The following KCNMA1 variants were observed in gnomAD, a reference collection of about 807,000 sequenced individuals.
KCNMA1 encodes the protein Calcium-activated potassium channel subunit alpha-1.
A neutral mutation model predicts 140.0 loss-of-function variants in KCNMA1; 29 were observed. That is an observed-to-expected ratio of 0.21 (90% CI 0.15 to 0.28). KCNMA1 has a LOEUF of 0.28. Among genes scored for constraint, KCNMA1 ranks in the 10% least tolerant of loss-of-function variants. KCNMA1 has a pLI of 1.00. For missense variants in KCNMA1, 880 were observed against 1,602.2 expected (o/e 0.55, Z 7.70); for synonymous variants, 612 against 611.9 (o/e 1.00, Z 0.00).
intron 1 of KCNMA1, among the ~76,000 whole-genome samples, chr10:77,606,749 TC>T (rs1342664755): frequency 6.6e-6 from 1 of 152,104 alleles, no homozygotes; most frequent in African/African-American, 2.4e-5. Context: ...CTGGGTGGTC[TC>T]CTCTGGGAAC....
At chr10:77,099,052 G>T (rs879583735) in intron 9 of KCNMA1, among the ~76,000 whole-genome samples, 4 of 151,950 alleles carry the variant, frequency 2.6e-5, no homozygotes, top group African/African-American at 4.8e-5. Context: ...AAGCAGATTT[G>T]CCCGATTTCA....
chr10:77,194,233 C>A (rs1253608188), intron 3 of KCNMA1, among the ~76,000 whole-genome samples: 1 of 152,202 alleles, frequency 6.6e-6, no homozygotes, highest in Non-Finnish European at 1.5e-5. Context: ...TTGCCAAAGG[C>A]TGGCCAATCA....
At chr10:77,024,383 TACAC>T (rs1335262124) in intron 16 of KCNMA1, among the ~76,000 whole-genome samples, 1 of 151,262 alleles carries the variant, frequency 6.6e-6, no homozygotes, top group Non-Finnish European at 1.5e-5. Flanking sequence ...TACAGACAAA[TACAC>T]ACGCACAGAC....
At chr10:77,586,794 G>A (rs2077385129) in intron 1 of KCNMA1, among the ~76,000 whole-genome samples, 1 of 152,170 alleles carries the variant, frequency 6.6e-6, no homozygotes, top group Admixed American at 6.5e-5. Flanking sequence ...TTAGATGGCT[G>A]GAAATCTCTA....
chr10:77,418,098 A>C (rs994784739), intron 1 of KCNMA1, among the ~76,000 whole-genome samples: 7 of 152,224 alleles, frequency 4.6e-5, no homozygotes, highest in African/African-American at 7.2e-5. Flanking sequence ...ACAGCAGCCA[A>C]ACACAAGAGA....
At chr10:77,086,694 G>A (rs1595669505) in intron 10 of KCNMA1, 101 bp from the exon 11 acceptor site, 3 of 819,264 alleles carry the variant, frequency 3.7e-6, no homozygotes, top group East Asian at 5.2e-5. Flanking sequence ...GCCCTGGGGA[G>A]AGGCTGTGAC....
rs372391929 is a variant in KCNMA1 at position 77,356,788 on chromosome 10, C to T, written c.540+47074G>A. ...GTTTTAAGAATGCGCCCACCTCCACCTTCCATCTCCAGGAGTGATATCCAC... is the reference window on the plus strand; with the variant it reads ...GTTTTAAGAATGCGCCCACCTCCACTTTCCATCTCCAGGAGTGATATCCAC... On this transcript the variant is annotated intron_variant, in intron 2 of 27. Transcript: ENST00000286628. 2.2e-4 allele frequency among the ~76,000 whole-genome samples: 33 copies of T among 152,338 alleles called. No homozygotes were observed. In the East Asian group the frequency reaches 5.6e-3, roughly 26 times the overall value.
chr10:77,231,978 C>T (rs2053762025), intron 3 of KCNMA1, among the ~76,000 whole-genome samples: 1 of 152,210 alleles, frequency 6.6e-6, no homozygotes, highest in African/African-American at 2.4e-5. Flanking sequence ...GTAATCTATT[C>T]TCTGACTCTA....
chr10:77,219,886 T>G (rs561039800), intron 3 of KCNMA1, among the ~76,000 whole-genome samples: 137 of 152,244 alleles, frequency 9.0e-4, no homozygotes, highest in Non-Finnish European at 1.5e-3. Context: ...GAACACTGGC[T>G]GAGCAGTCAT....
chr10:77,028,723 T>G (rs147330188), intron 15 of KCNMA1, among the ~76,000 whole-genome samples: 14 of 152,298 alleles, frequency 9.2e-5, no homozygotes, highest in African/African-American at 3.4e-4. Context: ...TGTCTGAACT[T>G]TGTCTCCTTA....
intron 16 of KCNMA1, chr10:77,025,527 A>G (rs2093368406): frequency 8.0e-7 from 1 of 1,254,258 alleles, no homozygotes; most frequent in African/African-American, 1.5e-5. Flanking sequence ...CCAGAAGGAA[A>G]GAAGGAATAA....
intron 2 of KCNMA1, among the ~76,000 whole-genome samples, chr10:77,355,608 T>C (rs1421750230): frequency 1.3e-5 from 2 of 152,172 alleles, no homozygotes; most frequent in Admixed American, 6.5e-5. Context: ...CCAAAGGATA[T>C]GAAAGATAGC....
At chr10:77,319,114 A>C (rs1227672885) in intron 2 of KCNMA1, among the ~76,000 whole-genome samples, 1 of 152,218 alleles carries the variant, frequency 6.6e-6, no homozygotes, top group Non-Finnish European at 1.5e-5. Flanking sequence ...GCTAGGAGGA[A>C]AAATAACAGG....
chr10:77,519,895 GTGCAGTGTGAGGGTA>G (rs1298308570), intron 1 of KCNMA1, among the ~76,000 whole-genome samples: 2 of 151,188 alleles, frequency 1.3e-5, no homozygotes, highest in African/African-American at 4.9e-5. Flanking sequence ...GCAGTATGCA[GTGCAGTGTGAGGGTA>G]TGCAGTGTGA....
At chr10:77,329,040 C>A (rs1181043586) in intron 2 of KCNMA1, among the ~76,000 whole-genome samples, 1 of 151,980 alleles carries the variant, frequency 6.6e-6, no homozygotes, top group African/African-American at 2.4e-5. Flanking sequence ...CAGGGTTTCA[C>A]CATGTTAACC....
chr10:77,313,882 G>A (rs2080035256), intron 2 of KCNMA1: 1 of 152,178 alleles, frequency 6.6e-6, no homozygotes, highest in Non-Finnish European at 1.5e-5. Context: ...GGACTCACAG[G>A]ATTTGGGGGT....
At chr10:77,563,071 A>AC (rs2066918386) in intron 1 of KCNMA1, among the ~76,000 whole-genome samples, 1 of 151,854 alleles carries the variant, frequency 6.6e-6, no homozygotes. Flanking sequence ...GCAAAAAAAA[A>AC]AAAGTTCAAC....
At chr10:77,061,190 T>C (rs900615837) in intron 14 of KCNMA1, among the ~76,000 whole-genome samples, 11 of 152,134 alleles carry the variant, frequency 7.2e-5, no homozygotes, top group African/African-American at 2.7e-4. Context: ...TATTTCAACT[T>C]AAAAACTTCT....
chr10:77,073,293 ATGTTCAAT>A (rs753616496), intron 13 of KCNMA1, 41 bp from the exon 14 acceptor site: 2 of 1,603,368 alleles, frequency 1.2e-6, no homozygotes, highest in Non-Finnish European at 1.7e-6. Context: ...GCTCTGTTAA[ATGTTCAAT>A]TGTTTAACAT....
Sources: gnomAD v4.1 joint callset for allele counts (sites outside exome capture counted in the v4.1 genomes callset) on GRCh38, gnomAD v4.1.1 for gene constraint, MANE v1.5 for transcripts, NCBI Gene and HGNC (gene_info 2026-07-23, HGNC 2026-07-21) for gene names.